VWF: variants seen among roughly 807,000 people sequenced by gnomAD.
VWF encodes von Willebrand factor.
A neutral mutation model predicts 308.6 loss-of-function variants in VWF; 176 were observed. The ratio of observed to expected loss-of-function variants is 0.57; its 90% CI spans 0.50 to 0.65. VWF has a LOEUF of 0.65. Among genes scored for constraint, VWF ranks in the 30% least tolerant of loss-of-function variants. VWF has a pLI of 0.00. For missense variants in VWF, 3,146 were observed against 3,648.2 expected, an observed-to-expected ratio of 0.86 and a Z score of 3.55; for synonymous variants, 1,385 against 1,443.4, an observed-to-expected ratio of 0.96 and a Z score of 0.92.
chr12:5,990,779 C>T (rs1176954962), intron 38 of VWF, among the ~76,000 whole-genome samples: 1 of 144,356 alleles, frequency 6.9e-6, no homozygotes, highest in Non-Finnish European at 1.5e-5. Flanking sequence ...ACGGGGTCAA[C>T]TTTGAAGAGA....
chr12:5,971,049 G>C (rs1460537618), intron 44 of VWF, among the ~76,000 whole-genome samples: 1 of 152,216 alleles, frequency 6.6e-6, no homozygotes, highest in South Asian at 2.1e-4. Context: ...ACTGGCGGGG[G>C]TGAGCCAGCC....
chr12:5,985,314 G>A (rs1422089961), intron 39 of VWF, among the ~76,000 whole-genome samples, 195 bp from the exon 40 acceptor site: 2 of 152,224 alleles, frequency 1.3e-5, no homozygotes, highest in Non-Finnish European at 2.9e-5. Flanking sequence ...CCCTCCAGGG[G>A]ACTCTTAAGT....
intron 31 of VWF, among the ~76,000 whole-genome samples, chr12:6,013,992 G>A (rs1372544296): frequency 6.6e-6 from 1 of 152,138 alleles, no homozygotes; most frequent in Admixed American, 6.5e-5. Context: ...TAAGGGGGAT[G>A]AGAATGCCCA....
chr12:5,983,476 G>GATAGATAGATAC (rs765691925), intron 40 of VWF, among the ~76,000 whole-genome samples: 84 of 73,370 alleles, frequency 1.1e-3, no homozygotes, highest in African/African-American at 2.9e-3. Flanking sequence ...TAGATAGATA[G>GATAGATAGATAC]ATACATACAT....
intron 35 of VWF, among the ~76,000 whole-genome samples, chr12:5,995,310 T>A (rs943424464): frequency 6.6e-6 from 1 of 152,180 alleles, no homozygotes; most frequent in Non-Finnish European, 1.5e-5. Context: ...TGCTGTAAAA[T>A]TTTTGGAAGG....
chr12:6,110,462 G>A lies in VWF; in HGVS notation c.444C>T (p.Val148=). 1 of 1,614,168 alleles carries A rather than the reference G, an allele frequency of 6.2e-7. No homozygotes were observed. The highest frequency in any genetic ancestry group is 1.1e-5 in the South Asian group (1 of 91,072). The change falls in exon 5 of 52, where the codon GTC becomes GTT. Residue 148 remains valine, a synonymous_variant. Coordinates refer to ENST00000261405, the MANE Select transcript of VWF (RefSeq NM_000552.5). ...ARIDGSGNFQ[V]LLSDRYFNKT... ...TGTTGAAGTATCTGTCTGACAGCAG[G>A]ACTTGAAAGTTGCCGCTGCCATCGA...
intron 40 of VWF, among the ~76,000 whole-genome samples, chr12:5,984,060 T>A (rs955637747): frequency 6.6e-6 from 1 of 152,110 alleles, no homozygotes; most frequent in African/African-American, 2.4e-5. Flanking sequence ...CCAAGTCACA[T>A]ACTGATTATT....
At chr12:6,083,070 C>T (rs554589666) in intron 6 of VWF, among the ~76,000 whole-genome samples, 17 of 152,266 alleles carry the variant, frequency 1.1e-4, no homozygotes, top group South Asian at 4.2e-4. Flanking sequence ...AGTGCAATGG[C>T]GTGATCTCAG....
Position 6,110,557 on chromosome 12 carries a change from C to G in VWF, c.349G>C (p.Gly117Arg). The change falls in exon 5 of 52, where the codon GGG becomes CGG. Residue 117 changes from glycine (G) to arginine (R), a missense_variant. Physicochemically the swap from Gly to Arg is moderately radical, Grantham distance 125. Coordinates refer to ENST00000261405, the MANE Select transcript of VWF (RefSeq NM_000552.5). ...CCAGCCTCAGTTTCTAGATACAGCC[C>G]TTTGGAGGCATAGGGCATGGAGACT... ...QRVSMPYASK[G>R]LYLETEAGYY... is the part of the protein sequence containing the mutation. 6.2e-7 allele frequency: 1 copy of G among 1,614,168 alleles called. No individual in the cohort carries two copies. Among genetic ancestry groups the G allele is most frequent in the Non-Finnish European group, 8.5e-7 (1 of 1,180,036 alleles).
intron 21 of VWF, among the ~76,000 whole-genome samples, chr12:6,030,797 G>A (rs1237489964): frequency 6.6e-6 from 1 of 152,202 alleles, no homozygotes; most frequent in Non-Finnish European, 1.5e-5. Flanking sequence ...GGAGGCCAAG[G>A]CAGGTAGATC....
At chr12:6,010,910 A>G (rs1943985980) in intron 34 of VWF, among the ~76,000 whole-genome samples, 1 of 152,244 alleles carries the variant, frequency 6.6e-6, no homozygotes, top group African/African-American at 2.4e-5. Flanking sequence ...AGAATTCTTT[A>G]TGAATAAACA....
rs750720570 is a variant in VWF at position 6,121,286 on chromosome 12, G to A, written c.108C>T (p.Ser36=). 1.9e-6 allele frequency: 3 copies of A among 1,614,232 alleles called. No homozygotes were observed. The South Asian group carries it at 3.3e-5, about 18-fold the overall frequency. ...TRGRSSTARC[S]LFGSDFVNTF... ...TGTTGACGAAGTCACTTCCGAAAAG[G>A]CTGCATCGGGCCGTGGATGACCTGC... Residue 36 remains serine (S), a synonymous_variant, in exon 3 of 52, where the codon AGC becomes AGT. Transcript: ENST00000261405.
intron 6 of VWF, among the ~76,000 whole-genome samples, chr12:6,089,085 C>T (rs1160823472): frequency 6.6e-6 from 1 of 152,218 alleles, no homozygotes; most frequent in Non-Finnish European, 1.5e-5. Context: ...CCACCCCGAA[C>T]GGCCCTTGGA....
intron 38 of VWF, among the ~76,000 whole-genome samples, chr12:5,990,008 ATT>A (rs1369940430): frequency 6.6e-6 from 1 of 152,220 alleles, no homozygotes; most frequent in East Asian, 1.9e-4. Flanking sequence ...TTGTCAACTC[ATT>A]TAGGGAATAT....
rs374839168 is a variant in VWF at position 6,002,968 on chromosome 12, T to C, written c.5843-6746A>G. Among the ~76,000 whole-genome samples the C allele has an allele frequency of 5.1e-4, 77 of 151,330 alleles. No homozygotes were observed. The East Asian group carries it at 0.013, about 25-fold the overall frequency. On this transcript the variant is annotated intron_variant, in intron 34 of 51. Coordinates refer to ENST00000261405, the MANE Select transcript of VWF (RefSeq NM_000552.5). ...ATCTGTCTCCCCACCTAGACAACAA[T>C]AGCATTGGCAGAATCTGTCTCATGT...
At position 6,016,627 on chromosome 12, in the gene VWF, G is replaced by A. The variant is rs374707563; in HGVS notation, c.5200C>T (p.Gln1734Ter). 1.2e-5 allele frequency: 20 copies of A among 1,614,196 alleles called. No individual in the cohort carries two copies. Among genetic ancestry groups the A allele is most frequent in the Non-Finnish European group, 1.7e-5 (20 of 1,180,032 alleles). ...TCAATGGTGGTGATGCTTCCATACT[G>A]CAGCACTGACACCTGAGTGAGACGA... is the stretch of plus-strand genomic sequence containing the variant. ...GPRLTQVSVLQYGSITTIDVP... is the reference protein window; with the variant it reads ...GPRLTQVSVL Residue 1734 changes from glutamine (Q) to a stop codon, truncating the protein, a stop_gained, in exon 30 of 52, where the codon CAG (glutamine) becomes TAG (stop). Transcript: ENST00000261405. LOFTEE classifies it high-confidence loss of function.
intron 34 of VWF, among the ~76,000 whole-genome samples, chr12:6,001,149 G>T (rs962282102): frequency 1.3e-5 from 2 of 151,654 alleles, no homozygotes; most frequent in African/African-American, 4.8e-5. Context: ...GGGCCTGAAG[G>T]CATTTTAGAA....
chr12:5,955,720 A>G (rs528341555), intron 47 of VWF, among the ~76,000 whole-genome samples: 7 of 152,336 alleles, frequency 4.6e-5, no homozygotes, highest in African/African-American at 1.7e-4. Flanking sequence ...GTCTAGAGGA[A>G]ATGACAGATA....
chr12:6,066,019 G>A (rs545868333), intron 10 of VWF, among the ~76,000 whole-genome samples: 17 of 152,326 alleles, frequency 1.1e-4, no homozygotes, highest in African/African-American at 3.8e-4. Flanking sequence ...TGCTGACCTC[G>A]GCAGCGCCAG....
Sources: gnomAD v4.1 joint callset for allele counts (sites outside exome capture counted in the v4.1 genomes callset) on GRCh38, gnomAD v4.1.1 for gene constraint, MANE v1.5 for transcripts, NCBI Gene and HGNC (gene_info 2026-07-23, HGNC 2026-07-21) for gene names.